The following TRAK1 variants were observed in gnomAD, a reference collection of about 807,000 sequenced individuals.
TRAK1 encodes trafficking kinesin-binding protein 1.
Under a neutral mutation model 92.1 loss-of-function variants are expected in TRAK1, and 33 were observed. The ratio of observed to expected loss-of-function variants is 0.36; its 90% CI spans 0.27 to 0.48. The LOEUF is 0.48. TRAK1 is among the 20% of genes least tolerant of loss of function. The probability of loss-of-function intolerance (pLI) is 0.99; values close to 1 mark genes in which losing one functional copy is unlikely to be tolerated. For missense variants in TRAK1, 1,123 were observed against 1,257.9 expected (o/e 0.89, Z 1.62); for synonymous variants, 521 against 517.3 (o/e 1.01, Z -0.10).
At chr3:42,044,469 T>G (rs1269107076) in intron 1 of TRAK1, among the ~76,000 whole-genome samples, 1 of 152,154 alleles carries the variant, frequency 6.6e-6, no homozygotes, top group Non-Finnish European at 1.5e-5. Context: ...GCCCATTGTA[T>G]TTTCTTGAAG....
chr3:42,081,044 T>G lies in TRAK1; in HGVS notation c.-518-6060T>G, dbSNP rs540706836. Among the ~76,000 whole-genome samples, 5 of 152,100 alleles carry G rather than the reference T, an allele frequency of 3.3e-5. No homozygotes were observed. In the East Asian group the frequency reaches 9.7e-4, roughly 29 times the overall value. ...CACATGCCACCAATCCTGGTCAATT[T>G]TTTGTATTTTTTTGTAGAGTTAGGG... On this transcript the variant is annotated intron_variant, in intron 1 of 16. Coordinates refer to the TRAK1 transcript ENST00000487159.
At chr3:42,215,921 C>G (rs1275509646) in intron 14 of TRAK1, among the ~76,000 whole-genome samples, 1 of 152,130 alleles carries the variant, frequency 6.6e-6, no homozygotes, top group Non-Finnish European at 1.5e-5. Flanking sequence ...TGTCTCTGGG[C>G]TCATGTGAGG....
intron 2 of TRAK1, among the ~76,000 whole-genome samples, chr3:42,171,861 G>T (rs931200741): frequency 6.6e-6 from 1 of 152,130 alleles, no homozygotes; most frequent in Non-Finnish European, 1.5e-5. Context: ...GAAGATGGGT[G>T]CCAACATTTA....
In TRAK1 at chr3:42,067,804, TTAG is replaced by T. The variant is rs1035447478; in HGVS notation, c.-518-19298_-518-19296del. Among the ~76,000 whole-genome samples the T allele has an allele frequency of 1.7e-3, 40 of 23,930 alleles. 1 individual carries two copies. The highest frequency in any genetic ancestry group is 4.5e-3 in the South Asian group (1 of 224). 15.7% of individuals were successfully genotyped at this position (23,930 alleles called of 152,430 possible). Reference sequence around the variant, plus strand: ...TGTTTGTAATTGGCCTATCACGTAGTTAGTTTTTTTTTCTTTTTTGGCAATCAC... The same window carrying T: ...TGTTTGTAATTGGCCTATCACGTAGTTTTTTTTTTCTTTTTTGGCAATCAC... On this transcript the variant is annotated intron_variant, in intron 1 of 16. Transcript: ENST00000487159.
chr3:42,172,397 A>G lies in TRAK1; in HGVS notation c.287-4417A>G, dbSNP rs201855365. ...ATCAGTGCTTTTTGATTTACCTCCC[A>G]CTCAGTTTTAGTTCTTAAATCTCAG... On this transcript the variant is annotated intron_variant, in intron 2 of 15. Coordinates refer to ENST00000327628, the MANE Select transcript of TRAK1 (RefSeq NM_001042646.3). Among the ~76,000 whole-genome samples the G allele has an allele frequency of 4.0e-5, 6 of 151,400 alleles. No homozygotes were observed. The East Asian group carries it at 7.8e-4, about 20-fold the overall frequency.
intron 2 of TRAK1, among the ~76,000 whole-genome samples, chr3:42,131,769 A>C (rs572285992): frequency 3.4e-5 from 5 of 148,964 alleles, no homozygotes; most frequent in Non-Finnish European, 6.0e-5. Flanking sequence ...AAAAAAATAC[A>C]ATCCTTGGCC....
intron 1 of TRAK1, among the ~76,000 whole-genome samples, chr3:42,030,818 A>G (rs1008817757): frequency 4.7e-5 from 7 of 149,900 alleles, no homozygotes; most frequent in African/African-American, 1.5e-4. Context: ...AGGTGGAAGC[A>G]TCTTCATCTC....
chr3:42,053,371 C>CG (rs1224725133), intron 1 of TRAK1, among the ~76,000 whole-genome samples: 5 of 1,108 alleles, frequency 4.5e-3, no homozygotes, highest in Non-Finnish European at 9.4e-3. Flanking sequence ...CATTCAGAGT[C>CG]GGGTGGGGGG....
At chr3:42,019,103 A>G (rs1332000193) in intron 1 of TRAK1, among the ~76,000 whole-genome samples, 2 of 152,108 alleles carry the variant, frequency 1.3e-5, no homozygotes, top group Non-Finnish European at 2.9e-5. Flanking sequence ...GCCTGGCAAC[A>G]GAGTATTAAA....
intron 1 of TRAK1, among the ~76,000 whole-genome samples, chr3:42,078,844 A>G (rs991645282): frequency 2.6e-5 from 4 of 152,098 alleles, no homozygotes; most frequent in African/African-American, 9.7e-5. Context: ...AGGATTCCAT[A>G]TGCTGTCATT....
chr3:42,180,692 A>G (rs1474646898), intron 3 of TRAK1, among the ~76,000 whole-genome samples: 7 of 151,844 alleles, frequency 4.6e-5, no homozygotes, highest in Admixed American at 3.3e-4. Context: ...AAAAAAAAAA[A>G]AAAGAAAAAG....
chr3:42,172,640 G>A (rs1383559706), intron 2 of TRAK1, among the ~76,000 whole-genome samples: 6 of 152,110 alleles, frequency 3.9e-5, no homozygotes, highest in African/African-American at 1.2e-4. Flanking sequence ...GTCAGGCTTC[G>A]AACCCCCTGA....
intron 2 of TRAK1, chr3:42,160,151 C>T: frequency 7.6e-7 from 1 of 1,309,988 alleles, no homozygotes; most frequent in Non-Finnish European, 9.7e-7. Context: ...AGGAGCCACC[C>T]CCTTCCGGGT....
At chr3:42,069,162 T>A (rs1199050508) in intron 1 of TRAK1, among the ~76,000 whole-genome samples, 1 of 151,888 alleles carries the variant, frequency 6.6e-6, no homozygotes, top group Non-Finnish European at 1.5e-5. Flanking sequence ...CCTGACTGTG[T>A]ATATACACAC....
At chr3:42,138,531 T>C (rs1698238647) in intron 2 of TRAK1, among the ~76,000 whole-genome samples, 1 of 152,170 alleles carries the variant, frequency 6.6e-6, no homozygotes, top group Non-Finnish European at 1.5e-5. Flanking sequence ...ACAAGATCGT[T>C]TTATTTGTTG....
At chr3:42,093,223 T>C (rs183855418) in intron 1 of TRAK1, among the ~76,000 whole-genome samples, 280 of 152,140 alleles carry the variant, frequency 1.8e-3, no homozygotes, top group African/African-American at 6.4e-3. Context: ...TTTTTCTCCT[T>C]CTCTTAGTGG....
chr3:42,180,090 T>C (rs1279825853), intron 3 of TRAK1, among the ~76,000 whole-genome samples: 1 of 152,122 alleles, frequency 6.6e-6, no homozygotes, highest in Non-Finnish European at 1.5e-5. Flanking sequence ...GCTAGAGAAA[T>C]GGGAGGTTTT....
At chr3:42,198,317 T>A (rs904230350) in intron 10 of TRAK1, among the ~76,000 whole-genome samples, 7 of 152,210 alleles carry the variant, frequency 4.6e-5, no homozygotes, top group African/African-American at 1.7e-4. Context: ...AAGCCATCAG[T>A]GACTAGCCTT....
chr3:42,184,582 A>T, intron 3 of TRAK1, 103 bp from the exon 4 acceptor site: 1 of 1,121,598 alleles, frequency 8.9e-7, no homozygotes, highest in Non-Finnish European at 1.3e-6. Context: ...TTCCTTTGTT[A>T]TTTCTAGATG....
Sources: gnomAD v4.1 joint callset for allele counts (sites outside exome capture counted in the v4.1 genomes callset) on GRCh38, gnomAD v4.1.1 for gene constraint, MANE v1.5 for transcripts, NCBI Gene and HGNC (gene_info 2026-07-23, HGNC 2026-07-21) for gene names.